The following HS3ST5 variants were observed in gnomAD, a reference collection of about 807,000 sequenced individuals.
The protein encoded by HS3ST5 is heparan sulfate glucosamine 3-O-sulfotransferase 5.
In HS3ST5, 10 loss-of-function variants were observed where a neutral mutation model predicts 25.4. The ratio of observed to expected loss-of-function variants is 0.39; its 90% CI spans 0.24 to 0.67. HS3ST5 has a LOEUF of 0.67. Among genes scored for constraint, HS3ST5 ranks in the 30% least tolerant of loss-of-function variants. The probability of loss-of-function intolerance (pLI) is 0.44; values close to 1 mark genes in which losing one functional copy is unlikely to be tolerated. For synonymous variants in HS3ST5, 170 were observed against 162.4 expected (o/e 1.05, Z -0.36); for missense variants, 324 against 420.7 (o/e 0.77, Z 2.01).
chr6:114,222,247 C>A (rs1193747734), intron 2 of HS3ST5, among the ~76,000 whole-genome samples: 3 of 151,774 alleles, frequency 2.0e-5, no homozygotes, highest in Non-Finnish European at 4.4e-5. Flanking sequence ...GTCCATAATG[C>A]CACATAATTC....
At chr6:114,084,526 G>GTCC in intron 3 of HS3ST5, 1 of 759,056 alleles carries the variant, frequency 1.3e-6, no homozygotes, top group Non-Finnish European at 2.4e-6. Context: ...CCGAGCCGGC[G>GTCC]TCCACCGCAT....
At chr6:114,102,595 G>A (rs1383504989) in intron 3 of HS3ST5, among the ~76,000 whole-genome samples, 1 of 152,136 alleles carries the variant, frequency 6.6e-6, no homozygotes, top group African/African-American at 2.4e-5. Context: ...GGAAGCAAGA[G>A]GTAGACATTC....
intron 2 of HS3ST5, among the ~76,000 whole-genome samples, chr6:114,208,198 T>G (rs1053304713): frequency 4.6e-5 from 7 of 152,222 alleles, no homozygotes; most frequent in African/African-American, 1.7e-4. Context: ...ACCCCAATGT[T>G]TTGTGTGGAT....
At chr6:114,093,481 T>C (rs1306564973) in intron 3 of HS3ST5, among the ~76,000 whole-genome samples, 2 of 151,626 alleles carry the variant, frequency 1.3e-5, no homozygotes, top group Non-Finnish European at 2.9e-5. Flanking sequence ...CAGGCTTGGA[T>C]TGGTTTTGAC....
chr6:114,333,376 A>G (rs980002712), intron 1 of HS3ST5, among the ~76,000 whole-genome samples: 4 of 152,200 alleles, frequency 2.6e-5, no homozygotes, highest in African/African-American at 9.6e-5. Context: ...GTATTTGAGA[A>G]GAGGTAACCT....
At chr6:114,088,817 G>T (rs983050402) in intron 3 of HS3ST5, 1 of 152,116 alleles carries the variant, frequency 6.6e-6, no homozygotes, top group Non-Finnish European at 1.5e-5. Flanking sequence ...GACTCAGCAA[G>T]ATTTTGTAGG....
rs566985992 is a variant in HS3ST5 at position 114,139,590 on chromosome 6, A to G, written c.-33+28761T>C. Among the ~76,000 whole-genome samples, 17 of 145,394 alleles carry G rather than the reference A, an allele frequency of 1.2e-4. No individual in the cohort carries two copies. The South Asian group carries it at 3.5e-3, about 30-fold the overall frequency. On this transcript the variant is annotated intron_variant, in intron 3 of 4. Coordinates refer to ENST00000312719, the MANE Select transcript of HS3ST5 (RefSeq NM_153612.4). ...GAAGGAGACAACAAGATTCCTGTCTATCTATTTAAAGATTTATCCCCTATT... is the reference window on the plus strand; with the variant it reads ...GAAGGAGACAACAAGATTCCTGTCTGTCTATTTAAAGATTTATCCCCTATT...
chr6:114,299,850 G>A (rs1774997243), intron 1 of HS3ST5, among the ~76,000 whole-genome samples: 1 of 152,180 alleles, frequency 6.6e-6, no homozygotes, highest in Non-Finnish European at 1.5e-5. Context: ...AGGTTAAGAA[G>A]AAAATGTAAG....
At chr6:114,221,090 A>G (rs376121045) in intron 2 of HS3ST5, among the ~76,000 whole-genome samples, 7 of 152,004 alleles carry the variant, frequency 4.6e-5, no homozygotes, top group African/African-American at 1.7e-4. Context: ...TCTAACCTGG[A>G]CAAATTACTT....
At chr6:114,064,924 C>T (rs1221876761) in intron 3 of HS3ST5, among the ~76,000 whole-genome samples, 3 of 151,944 alleles carry the variant, frequency 2.0e-5, no homozygotes, top group African/African-American at 4.8e-5. Context: ...GGAAAAGGCT[C>T]GGCTTGTTTA....
intron 1 of HS3ST5, among the ~76,000 whole-genome samples, chr6:114,259,975 T>G (rs2114663142): frequency 6.6e-6 from 1 of 152,306 alleles, no homozygotes; most frequent in East Asian, 1.9e-4. Context: ...AATGCAAAAA[T>G]AAGTTATCAA....
At chr6:114,199,714 A>T (rs1457726579) in intron 2 of HS3ST5, among the ~76,000 whole-genome samples, 1 of 152,220 alleles carries the variant, frequency 6.6e-6, no homozygotes, top group African/African-American at 2.4e-5. Context: ...CTTCTTTTTA[A>T]AAAATGTCTA....
intron 3 of HS3ST5, among the ~76,000 whole-genome samples, chr6:114,069,452 C>CCCAAAGAA (rs1773656633): frequency 6.6e-6 from 1 of 151,856 alleles, no homozygotes; most frequent in South Asian, 2.1e-4. Flanking sequence ...ATTATCTGAC[C>CCCAAAGAA]CCAAAGAACA....
At chr6:114,158,391 GA>G (rs1213896655) in intron 3 of HS3ST5, among the ~76,000 whole-genome samples, 1 of 152,210 alleles carries the variant, frequency 6.6e-6, no homozygotes, top group African/African-American at 2.4e-5. Context: ...TCTTAAAATT[GA>G]AAAAACATCT....
intron 3 of HS3ST5, among the ~76,000 whole-genome samples, chr6:114,068,297 G>GTTTCTA (rs1024641540): frequency 5.3e-5 from 8 of 152,098 alleles, no homozygotes; most frequent in Non-Finnish European, 1.0e-4. Context: ...CAAGCCAGAA[G>GTTTCTA]TTTCTAATGA....
At chr6:114,312,847 G>A (rs1366822917) in intron 1 of HS3ST5, among the ~76,000 whole-genome samples, 2 of 151,408 alleles carry the variant, frequency 1.3e-5, no homozygotes, top group African/African-American at 2.4e-5. Context: ...CTGCAACAAC[G>A]CTGAAACCCC....
chr6:114,153,165 C>T (rs980587643), intron 3 of HS3ST5, among the ~76,000 whole-genome samples: 2 of 152,096 alleles, frequency 1.3e-5, no homozygotes, highest in Non-Finnish European at 2.9e-5. Flanking sequence ...GGCAGAGCTG[C>T]CGTTTGGATC....
At chr6:114,072,589 C>T (rs1773885221) in intron 3 of HS3ST5, among the ~76,000 whole-genome samples, 1 of 152,104 alleles carries the variant, frequency 6.6e-6, no homozygotes, top group South Asian at 2.1e-4. Context: ...ACATCTCTTC[C>T]CAATTTCACA....
rs76009354 is a variant in HS3ST5, at chr6:114,255,743, C to G, written c.-338-26965G>C. Among the ~76,000 whole-genome samples, 1,044 of 152,322 alleles carry G rather than the reference C, an allele frequency of 6.9e-3. 4 individuals are homozygous for G. The highest frequency in any genetic ancestry group is 0.031 in the Middle Eastern group (9 of 294). ...TTGGGGCTTACACCCTCTGAAGCCA[C>G]AGCCCAAGCTGTACCTTGGCCTCTT... On this transcript the variant is annotated intron_variant, in intron 1 of 4. Coordinates refer to ENST00000312719, the MANE Select transcript of HS3ST5 (RefSeq NM_153612.4).
Sources: gnomAD v4.1 joint callset for allele counts (sites outside exome capture counted in the v4.1 genomes callset) on GRCh38, gnomAD v4.1.1 for gene constraint, MANE v1.5 for transcripts, NCBI Gene and HGNC (gene_info 2026-07-23, HGNC 2026-07-21) for gene names.